The following SUN1 variants were observed in gnomAD, a reference collection of about 807,000 sequenced individuals.
The protein encoded by SUN1 is SUN domain-containing protein 1.
SUN1 carries 61 observed loss-of-function variants against 103.2 expected under a neutral mutation model. The observed-to-expected ratio is 0.59, with a 90% CI of 0.48 to 0.73. SUN1 has a LOEUF of 0.73. Among genes scored for constraint, SUN1 ranks in the 30% least tolerant of loss-of-function variants. SUN1 has a pLI of 0.00. For synonymous variants in SUN1, 490 were observed against 425.7 expected, an observed-to-expected ratio of 1.15 and a Z score of -1.86; for missense variants, 1,052 against 1,034.6, an observed-to-expected ratio of 1.02 and a Z score of -0.23.
intron 1 of SUN1, among the ~76,000 whole-genome samples, chr7:820,538 C>T (rs574112475): frequency 6.6e-6 from 1 of 152,190 alleles, no homozygotes; most frequent in Non-Finnish European, 1.5e-5. Flanking sequence ...AGTTTGACAT[C>T]TTCCTTTCCA....
upstream of SUN1, among the ~76,000 whole-genome samples, chr7:830,262 G>A (rs371210410): frequency 4.6e-5 from 7 of 152,276 alleles, no homozygotes; most frequent in South Asian, 1.0e-3. Flanking sequence ...CTCTGCTGCC[G>A]CTGCCTCGCA....
In SUN1 at chr7:852,853, G is replaced by A. The variant is rs1823559561; in HGVS notation, c.954G>A (p.Leu318=). 2 of 1,613,670 alleles carry A rather than the reference G, an allele frequency of 1.2e-6. No individual in the cohort carries two copies. Among genetic ancestry groups the A allele is most frequent in the Admixed American group, 1.7e-5 (1 of 59,972 alleles). The part of the protein sequence containing the change: ...LRGQGNFFSF[L]PVLNWASMHR... ...GCCAGGGCAATTTCTTTTCGTTCTT[G>A]CCCGTGTTGAACTGGGCAAGCATGC... The change falls in exon 9 of 19, where the codon TTG becomes TTA. Residue 318 remains leucine, a synonymous_variant. Transcript: ENST00000401592.
intron 1 of SUN1, among the ~76,000 whole-genome samples, chr7:826,650 C>T (rs531415947): frequency 1.3e-5 from 2 of 152,294 alleles, no homozygotes; most frequent in Admixed American, 1.3e-4. Flanking sequence ...AGGAGGTAGG[C>T]TGCCATTTTA....
Position 851,388 on chromosome 7 carries a change from CTTCT to C in SUN1, c.665_668del (p.Phe222CysfsTer51). The C allele has an allele frequency of 2.5e-6, 4 of 1,600,452 alleles. No individual in the cohort carries two copies. Among genetic ancestry groups the C allele is most frequent in the Non-Finnish European group, 3.4e-6 (4 of 1,173,470 alleles). On this transcript the variant is annotated frameshift_variant, in exon 6 of 19. Transcript: ENST00000401592. LOFTEE classifies it high-confidence loss of function. ...ACACACGTCTTCCCTGCACAGGTTA[CTTCT>C]TGCTGCAGATTCTGCGCAGGATCGG...
At chr7:826,058 G>A (rs1341993550) in intron 1 of SUN1, among the ~76,000 whole-genome samples, 1 of 152,004 alleles carries the variant, frequency 6.6e-6, no homozygotes, top group African/African-American at 2.4e-5. Flanking sequence ...GGGCAACATA[G>A]GGAGACCCTG....
Position 873,333 on chromosome 7 carries a change from G to T in SUN1, c.*2G>T. 2 of 1,612,142 alleles carry T rather than the reference G, an allele frequency of 1.2e-6. No homozygotes were observed. The highest frequency in any genetic ancestry group is 1.7e-6 in the Non-Finnish European group (2 of 1,178,280). On this transcript the variant is annotated 3_prime_UTR_variant, in exon 19 of 19. Coordinates refer to ENST00000401592, the MANE Select transcript of SUN1 (RefSeq NM_001130965.3). ...GTTCATGGCGAACCTGTCAAGTGAA[G>T]ACACTACTCATTATTTTTGTACATT...
Position 856,400 on chromosome 7 carries a change from A to G in SUN1, c.1393A>G (p.Ser465Gly). 1 of 1,614,076 alleles carries G rather than the reference A, an allele frequency of 6.2e-7. No homozygotes were observed. The highest frequency in any genetic ancestry group is 1.1e-5 in the South Asian group (1 of 91,082). Residue 465 changes from serine (S) to glycine (G), a missense_variant and splice_region_variant, in exon 12 of 19, where the codon AGT becomes GGT. By Grantham distance (56) the Ser-to-Gly change is moderately conservative (BLOSUM62 0). Coordinates refer to ENST00000401592, the MANE Select transcript of SUN1 (RefSeq NM_001130965.3). ...ELEQTKQKTI[S>G]AVGEQLLPTV... ...AGAACAGACCAAGCAAAAAACAATC[A>G]GGTAGGAGGATTTGGAAAACATTCA...
chr7:836,620 A>C (rs541376584), intron 1 of SUN1, among the ~76,000 whole-genome samples: 2 of 152,280 alleles, frequency 1.3e-5, no homozygotes, highest in African/African-American at 4.8e-5. Context: ...CAGCAGGAGG[A>C]GCTCCTTCTT....
chr7:850,282 T>A, intron 5 of SUN1: 1 of 444,330 alleles, frequency 2.3e-6, no homozygotes, highest in East Asian at 4.2e-5. Context: ...CACTGCAGCC[T>A]CCACCTCCAG....
At chr7:817,625 TG>T (rs1408208878) in intron 1 of SUN1, 1 of 1,164,740 alleles carries the variant, frequency 8.6e-7, no homozygotes, top group Non-Finnish European at 1.2e-6. Context: ...GTATTGCCCA[TG>T]AAGTGCTTGC....
At chr7:857,186 T>C (rs1585008702) in intron 12 of SUN1, among the ~76,000 whole-genome samples, 1 of 152,174 alleles carries the variant, frequency 6.6e-6, no homozygotes, top group Admixed American at 6.5e-5. Flanking sequence ...CTTGGCTTGG[T>C]TGTGGTTTCC....
chr7:823,204 T>A (rs1788071157), intron 1 of SUN1, among the ~76,000 whole-genome samples: 1 of 152,320 alleles, frequency 6.6e-6, no homozygotes, highest in South Asian at 2.1e-4. Flanking sequence ...CGAAGGTGAA[T>A]GAGGCACAGT....
chr7:857,924 C>G lies in SUN1; in HGVS notation c.1491C>G (p.Thr497=), dbSNP rs756560984. 25 of 1,596,844 alleles carry G rather than the reference C, an allele frequency of 1.6e-5. No individual in the cohort carries two copies. The highest frequency in any genetic ancestry group is 2.1e-5 in the Non-Finnish European group (24 of 1,166,778). ...SELSSWRHVK[T]GCETVDAVQE... ...TGTCCAGCTGGCGACACGTGAAGACCGGCTGTGAGACAGTGGATGCCGTAC... is the reference window on the plus strand; with the variant it reads ...TGTCCAGCTGGCGACACGTGAAGACGGGCTGTGAGACAGTGGATGCCGTAC... Residue 497 remains threonine (T), a synonymous_variant, in exon 13 of 19, where the codon ACC becomes ACG. Transcript: ENST00000401592.
At chr7:817,753 A>G (rs971521490) in intron 1 of SUN1, among the ~76,000 whole-genome samples, 2 of 152,150 alleles carry the variant, frequency 1.3e-5, no homozygotes, top group Admixed American at 6.5e-5. Flanking sequence ...GTTGTTGGAC[A>G]CTTGATAGTT....
upstream of SUN1, chr7:816,245 C>T (rs1287655062): frequency 5.2e-6 from 1 of 193,440 alleles, no homozygotes; most frequent in African/African-American, 3.9e-5. Flanking sequence ...GGTGCAGATC[C>T]CTCCCCCAGA....
At position 864,302 on chromosome 7, in the gene SUN1, C is replaced by G. The variant is rs562524521; in HGVS notation, c.1865-1650C>G. ...GTGGCTCATGCCTGTAATCCCAGCA[C>G]TCTGGGAGGCTGAGGCGGGCAGATC... is the stretch of plus-strand genomic sequence containing the variant. On this transcript the variant is annotated intron_variant, in intron 15 of 18. Transcript: ENST00000401592. 3.9e-4 allele frequency among the ~76,000 whole-genome samples: 59 copies of G among 152,190 alleles called. 2 individuals are homozygous for G. The highest frequency in any genetic ancestry group is 1.3e-3 in the African/African-American group (56 of 41,520).
At chr7:842,802 G>T in intron 3 of SUN1, 1 of 281,540 alleles carries the variant, frequency 3.6e-6, no homozygotes. Context: ...CTAATTTTGG[G>T]AAGCCTTGGT....
rs189659839 is a variant in SUN1, at chr7:836,348, C to T, written c.78-2450C>T. Among the ~76,000 whole-genome samples the T allele has an allele frequency of 2.8e-3, 419 of 152,210 alleles. 3 individuals are homozygous for T. Among genetic ancestry groups the T allele is most frequent in the African/African-American group, 9.2e-3 (380 of 41,516 alleles). On this transcript the variant is annotated intron_variant, in intron 1 of 18. Coordinates refer to ENST00000401592, the MANE Select transcript of SUN1 (RefSeq NM_001130965.3). The stretch of plus-strand genomic sequence containing the variant: ...TGTGTCAGGGTAGAACATGAGTAAA[C>T]GTATGAATAGGTGCATAGGAATAGA...
chr7:840,636 ATTCTTT>A (rs1808611378), intron 2 of SUN1, among the ~76,000 whole-genome samples: 1 of 111,522 alleles, frequency 9.0e-6, no homozygotes, highest in Admixed American at 1.0e-4. Flanking sequence ...TTGACCATCT[ATTCTTT>A]TTTTTTTTTT....
Sources: gnomAD v4.1 joint callset for allele counts (sites outside exome capture counted in the v4.1 genomes callset) on GRCh38, gnomAD v4.1.1 for gene constraint, MANE v1.5 for transcripts, NCBI Gene and HGNC (gene_info 2026-07-23, HGNC 2026-07-21) for gene names.